The following NDUFAF6 variants were observed in gnomAD, a reference collection of about 807,000 sequenced individuals.
The protein encoded by NDUFAF6 is NADH:ubiquinone oxidoreductase complex assembly factor 6, also known as NADH dehydrogenase (ubiquinone) complex I, assembly factor 6.
A neutral mutation model predicts 40.8 loss-of-function variants in NDUFAF6; 45 were observed. The observed-to-expected ratio is 1.10, with a 90% CI of 0.87 to 1.42. The LOEUF (loss-of-function observed/expected upper bound fraction) is 1.42. Ranked by LOEUF, NDUFAF6 falls within the 40% of genes most tolerant of loss-of-function variation. NDUFAF6 has a pLI of 0.00. For missense variants in NDUFAF6, 435 were observed against 418.5 expected (o/e 1.04, Z -0.34); for synonymous variants, 185 against 155.9 (o/e 1.19, Z -1.39).
chr8:95,052,840 C>T (rs1013166560), intron 8 of NDUFAF6, among the ~76,000 whole-genome samples: 6 of 152,198 alleles, frequency 3.9e-5, no homozygotes, highest in African/African-American at 1.2e-4. Flanking sequence ...GATTCTGATG[C>T]GTAGACAGGT....
chr8:94,929,853 T>G (rs1820222143), intron 1 of NDUFAF6: 1 of 152,592 alleles, frequency 6.6e-6, no homozygotes, highest in Non-Finnish European at 1.5e-5. Context: ...CTGCATGCAC[T>G]CTTCACTAAA....
chr8:95,064,587 T>G (rs1238169914), intron 9 of NDUFAF6, among the ~76,000 whole-genome samples: 1 of 152,130 alleles, frequency 6.6e-6, no homozygotes, highest in Non-Finnish European at 1.5e-5. Context: ...GCATGATTTC[T>G]GGCTCATAAC....
intron 1 of NDUFAF6, among the ~76,000 whole-genome samples, chr8:94,977,805 T>C (rs1263655697): frequency 6.6e-6 from 1 of 152,102 alleles, no homozygotes; most frequent in East Asian, 1.9e-4. Context: ...AATTCTGACT[T>C]AACTGATGAA....
At chr8:94,911,462 A>G (rs544570920) in intron 1 of NDUFAF6, among the ~76,000 whole-genome samples, 9 of 152,356 alleles carry the variant, frequency 5.9e-5, no homozygotes, top group African/African-American at 2.2e-4. Context: ...ATATTAAAAT[A>G]AATGCAGAAT....
upstream of NDUFAF6, among the ~76,000 whole-genome samples, chr8:94,954,226 C>T (rs537319130): frequency 1.3e-5 from 2 of 152,252 alleles, no homozygotes; most frequent in South Asian, 4.1e-4. Flanking sequence ...CCAAGCCCAG[C>T]TAATTTTCGT....
intron 4 of NDUFAF6, among the ~76,000 whole-genome samples, chr8:95,045,106 C>T (rs1359137016): frequency 6.6e-6 from 1 of 152,040 alleles, no homozygotes; most frequent in Non-Finnish European, 1.5e-5. Flanking sequence ...TGTCTTTGGA[C>T]ATGTTAATGT....
At chr8:94,970,567 G>A (rs1824386228) in intron 1 of NDUFAF6, among the ~76,000 whole-genome samples, 2 of 151,880 alleles carry the variant, frequency 1.3e-5, no homozygotes, top group Middle Eastern at 3.4e-3. Flanking sequence ...CTCCCGCCTG[G>A]GTGACATGTT....
intron 9 of NDUFAF6, among the ~76,000 whole-genome samples, chr8:95,066,604 G>C (rs1162924155): frequency 6.6e-6 from 1 of 152,086 alleles, no homozygotes; most frequent in African/African-American, 2.4e-5. Flanking sequence ...AATCCCTTCA[G>C]TTCTCTCTTT....
chr8:94,967,122 G>A (rs914414877), intron 1 of NDUFAF6, among the ~76,000 whole-genome samples: 1 of 152,216 alleles, frequency 6.6e-6, no homozygotes, highest in Non-Finnish European at 1.5e-5. Flanking sequence ...AGGGAATGAT[G>A]CCATGAAAAG....
At chr8:95,038,211 T>G (rs973226113) in intron 3 of NDUFAF6, among the ~76,000 whole-genome samples, 3 of 152,086 alleles carry the variant, frequency 2.0e-5, no homozygotes, top group African/African-American at 2.4e-5. Context: ...GTTTAATCAT[T>G]TTTCCTCACT....
chr8:95,105,066 C>CACACAGAG (rs1484172223), downstream of NDUFAF6, among the ~76,000 whole-genome samples: 1 of 72,770 alleles, frequency 1.4e-5, no homozygotes, highest in African/African-American at 4.1e-5. Context: ...CACACACACA[C>CACACAGAG]AGAGAGAGAG....
chr8:94,951,028 C>G (rs550681952), intron 2 of NDUFAF6: 150 of 152,322 alleles, frequency 9.8e-4, no homozygotes, highest in Middle Eastern at 3.4e-3. Flanking sequence ...TGGGCTGACC[C>G]TGTGATTGCT....
At position 95,091,743 on chromosome 8, in the gene NDUFAF6, G is replaced by A. The variant is rs556340095; in HGVS notation, n.214-9389G>A. Reference sequence around the variant, plus strand: ...CAGCCTTGACCTCTTGGGTTCAAGCGATCCCCCCCAGCTCAGCCTCCTGAG... The same window carrying A: ...CAGCCTTGACCTCTTGGGTTCAAGCAATCCCCCCCAGCTCAGCCTCCTGAG... On this transcript the variant is annotated intron_variant and non_coding_transcript_variant, in intron 2 of 5. Transcript: ENST00000523184. Among the ~76,000 whole-genome samples, 2 of 150,766 alleles carry A rather than the reference G, an allele frequency of 1.3e-5. 1 individual carries two copies. Among genetic ancestry groups the A allele is most frequent in the South Asian group, 4.2e-4 (2 of 4,738 alleles).
chr8:95,014,825 T>C (rs1302286046), intron 2 of NDUFAF6, among the ~76,000 whole-genome samples: 1 of 152,236 alleles, frequency 6.6e-6, no homozygotes, highest in Non-Finnish European at 1.5e-5. Flanking sequence ...TTTTCTCTGT[T>C]GACTTCATTT....
rs190757484 is a variant in NDUFAF6 at position 94,985,475 on chromosome 8, A to T, written c.-84+4502A>T. Among the ~76,000 whole-genome samples the T allele has an allele frequency of 8.0e-3, 11 of 1,376 alleles. No homozygotes were observed. In the East Asian group the frequency reaches 0.096, roughly 12 times the overall value. 0.9% of individuals were successfully genotyped at this position (1,376 alleles called of 152,430 possible). On this transcript the variant is annotated intron_variant, in intron 2 of 9. Coordinates refer to the NDUFAF6 transcript ENST00000396111. Reference sequence around the variant, plus strand: ...GAAAAGAAAAACAATAATTATATATATATATATATATATATATATATATAT... The same window carrying T: ...GAAAAGAAAAACAATAATTATATATTTATATATATATATATATATATATAT...
chr8:94,983,937 T>C (rs543089484), intron 2 of NDUFAF6: 58 of 152,322 alleles, frequency 3.8e-4, no homozygotes, highest in African/African-American at 1.4e-3. Flanking sequence ...TCTGTGGTGG[T>C]TTCCACTCAT....
At chr8:95,024,273 T>G (rs1261831319), upstream of NDUFAF6, among the ~76,000 whole-genome samples, 1 of 152,226 alleles carries the variant, frequency 6.6e-6, no homozygotes, top group Non-Finnish European at 1.5e-5. Flanking sequence ...ACTGAGGCAC[T>G]TCAGCTTCTA....
downstream of NDUFAF6, among the ~76,000 whole-genome samples, chr8:95,107,352 A>T (rs1421898768): frequency 6.6e-6 from 1 of 152,200 alleles, no homozygotes; most frequent in Non-Finnish European, 1.5e-5. Context: ...GCTGAAAACC[A>T]TCATTCTCAG....
upstream of NDUFAF6, among the ~76,000 whole-genome samples, chr8:94,953,177 G>A (rs185271944): frequency 4.1e-3 from 618 of 152,104 alleles, 6 homozygotes; most frequent in African/African-American, 0.014. Flanking sequence ...GAGAAACCCC[G>A]TCTCTACTAA....
Sources: gnomAD v4.1 joint callset for allele counts (sites outside exome capture counted in the v4.1 genomes callset) on GRCh38, gnomAD v4.1.1 for gene constraint, MANE v1.5 for transcripts, NCBI Gene and HGNC (gene_info 2026-07-23, HGNC 2026-07-21) for gene names.